The following FSTL4 variants were observed in gnomAD, a reference collection of about 807,000 sequenced individuals.
FSTL4 encodes the protein follistatin-related protein 4.
Under a neutral mutation model 78.2 loss-of-function variants are expected in FSTL4, and 28 were observed. That is an observed-to-expected ratio of 0.36 (90% confidence interval 0.27 to 0.49). The LOEUF (loss-of-function observed/expected upper bound fraction) is 0.49, where lower values mean the gene tolerates loss of function less well. FSTL4 is among the 20% of genes least tolerant of loss of function. FSTL4 has a pLI of 0.98. For synonymous variants in FSTL4, 422 were observed against 440.5 expected (o/e 0.96, Z 0.53); for missense variants, 922 against 1,084.9 (o/e 0.85, Z 2.11).
At chr5:133,637,586 G>A in the FSTL4 span, among the ~76,000 whole-genome samples, 1 of 151,924 alleles carries the variant, frequency 6.6e-6, no homozygotes, top group African/African-American at 2.4e-5. Context: ...TGCACTCCTG[G>A]TTTTCTTTCT....
chr5:133,435,898 T>C (rs2126999264), intron 3 of FSTL4, among the ~76,000 whole-genome samples: 1 of 152,342 alleles, frequency 6.6e-6, no homozygotes, highest in East Asian at 1.9e-4. Flanking sequence ...TTGCTTTCTG[T>C]TTTTGTTTTT....
At chr5:133,309,648 C>A (rs1460358913) in intron 6 of FSTL4, among the ~76,000 whole-genome samples, 2 of 152,198 alleles carry the variant, frequency 1.3e-5, no homozygotes, top group East Asian at 3.8e-4. Context: ...GCCAGGCCAG[C>A]TGCATGGGAA....
At chr5:133,596,562 C>T (rs1453442553) in intron 2 of FSTL4, among the ~76,000 whole-genome samples, 1 of 152,192 alleles carries the variant, frequency 6.6e-6, no homozygotes, top group African/African-American at 2.4e-5. Context: ...CTAAGCCCTC[C>T]AGAAGGGTTT....
the FSTL4 span, among the ~76,000 whole-genome samples, chr5:133,628,900 A>T: frequency 7.2e-6 from 1 of 139,002 alleles, no homozygotes; most frequent in Non-Finnish European, 1.6e-5. Context: ...ATGTTTTCTA[A>T]ATATACAATC....
intron 10 of FSTL4, among the ~76,000 whole-genome samples, chr5:133,224,579 A>T (rs1169127656): frequency 6.6e-6 from 1 of 152,244 alleles, no homozygotes; most frequent in African/African-American, 2.4e-5. Flanking sequence ...GGATTCTCCT[A>T]AGATGACCAC....
chr5:133,352,279 TACACACATATATATAC>T (rs1161001521), intron 4 of FSTL4, among the ~76,000 whole-genome samples: 12 of 99,066 alleles, frequency 1.2e-4, no homozygotes, highest in Non-Finnish European at 2.3e-4. Context: ...CATATATATA[TACACACATATATATAC>T]ACACACATAT....
upstream of FSTL4, among the ~76,000 whole-genome samples, chr5:133,616,241 A>G (rs1357532811): frequency 1.3e-5 from 2 of 152,100 alleles, no homozygotes; most frequent in Non-Finnish European, 2.9e-5. Flanking sequence ...TGAAAGGGAC[A>G]ACATAATTTT....
the FSTL4 span, among the ~76,000 whole-genome samples, chr5:133,841,853 A>T: frequency 6.6e-6 from 1 of 152,192 alleles, no homozygotes; most frequent in Non-Finnish European, 1.5e-5. Flanking sequence ...TGCAAAAAGA[A>T]TTTCACTCCT....
chr5:133,648,064 C>G, the FSTL4 span, among the ~76,000 whole-genome samples: 1 of 152,136 alleles, frequency 6.6e-6, no homozygotes, highest in Non-Finnish European at 1.5e-5. Context: ...TTCTTGCCTT[C>G]CACCATGATT....
At chr5:133,246,639 C>G (rs1363127084) in intron 7 of FSTL4, 12 of 152,194 alleles carry the variant, frequency 7.9e-5, no homozygotes, top group Non-Finnish European at 5.9e-5. Flanking sequence ...GACAGTGAGA[C>G]CTCCGTCCCC....
chr5:133,668,424 A>G, the FSTL4 span, among the ~76,000 whole-genome samples: 3 of 152,260 alleles, frequency 2.0e-5, no homozygotes, highest in Admixed American at 6.5e-5. Flanking sequence ...GACTACCTGC[A>G]GACAGGTGTA....
chr5:133,308,918 C>CA (rs1312710884), intron 6 of FSTL4, among the ~76,000 whole-genome samples: 2 of 152,174 alleles, frequency 1.3e-5, no homozygotes, highest in African/African-American at 4.8e-5. Context: ...CCTTCCCATG[C>CA]ATCCAACACA....
the FSTL4 span, among the ~76,000 whole-genome samples, chr5:133,635,286 T>C: frequency 2.6e-5 from 4 of 152,210 alleles, no homozygotes; most frequent in African/African-American, 7.2e-5. Context: ...TCAACATGAC[T>C]ACTGTGGTCA....
At chr5:133,220,644 A>G in intron 12 of FSTL4, 104 bp downstream of exon 12, 1 of 748,466 alleles carries the variant, frequency 1.3e-6, no homozygotes. Flanking sequence ...CACCACATAT[A>G]GCAAATGGAA....
chr5:133,621,167 G>A, the FSTL4 span, among the ~76,000 whole-genome samples: 1 of 152,146 alleles, frequency 6.6e-6, no homozygotes, highest in Non-Finnish European at 1.5e-5. Context: ...TTGGGAGGCC[G>A]AGGTGGGCGG....
chr5:133,325,710 C>T (rs1754194217), intron 4 of FSTL4, among the ~76,000 whole-genome samples: 1 of 152,176 alleles, frequency 6.6e-6, no homozygotes, highest in Admixed American at 6.5e-5. Flanking sequence ...CAGCCACTCT[C>T]TGGAGCTGCA....
At chr5:133,292,277 G>T (rs1382221091) in intron 6 of FSTL4, among the ~76,000 whole-genome samples, 3 of 152,210 alleles carry the variant, frequency 2.0e-5, no homozygotes, top group Non-Finnish European at 4.4e-5. Flanking sequence ...TCCTGGGGCT[G>T]CACTAGCCTC....
chr5:133,459,750 A>C (rs964227671), intron 3 of FSTL4, among the ~76,000 whole-genome samples: 1 of 137,862 alleles, frequency 7.3e-6, no homozygotes, highest in Non-Finnish European at 1.7e-5. Flanking sequence ...ATAAGCGTCA[A>C]CTCAGGCTTT....
intron 3 of FSTL4, among the ~76,000 whole-genome samples, chr5:133,542,315 A>G: frequency 6.6e-6 from 1 of 152,238 alleles, no homozygotes; most frequent in Non-Finnish European, 1.5e-5. Flanking sequence ...GCAAACAAAT[A>G]TAGTTTGAGA....
Sources: gnomAD v4.1 joint callset for allele counts (sites outside exome capture counted in the v4.1 genomes callset) on GRCh38, gnomAD v4.1.1 for gene constraint, MANE v1.5 for transcripts, NCBI Gene and HGNC (gene_info 2026-07-23, HGNC 2026-07-21) for gene names.